Variants in HAUS6 observed in about 807,000 individuals in gnomAD.
HAUS6 encodes HAUS augmin like complex subunit 6.
In HAUS6, 80 loss-of-function variants were observed where a neutral mutation model predicts 106.8. The ratio of observed to expected loss-of-function variants is 0.75; its 90% CI spans 0.63 to 0.90. The LOEUF (loss-of-function observed/expected upper bound fraction) is 0.90, where lower values mean the gene tolerates loss of function less well. HAUS6 is among the 40% of genes least tolerant of loss of function. HAUS6 has a pLI of 0.00. For missense variants in HAUS6, 1,155 were observed against 1,118.1 expected, an observed-to-expected ratio of 1.03 and a Z score of -0.47; for synonymous variants, 356 against 379.1, an observed-to-expected ratio of 0.94 and a Z score of 0.71.
At chr9:19,074,646 C>A (rs939923028) in intron 11 of HAUS6, among the ~76,000 whole-genome samples, 1 of 152,010 alleles carries the variant, frequency 6.6e-6, no homozygotes, top group Admixed American at 6.6e-5. Flanking sequence ...ATAATCTTTC[C>A]CAACCAGTGT....
chr9:19,099,503 T>A (rs191399341), intron 1 of HAUS6, among the ~76,000 whole-genome samples: 99 of 151,180 alleles, frequency 6.5e-4, no homozygotes, highest in African/African-American at 2.3e-3. Context: ...TCACTCTTGT[T>A]ACCCAGGCTG....
intron 7 of HAUS6, among the ~76,000 whole-genome samples, chr9:19,083,877 G>C (rs1262376704): frequency 2.6e-5 from 4 of 151,480 alleles, no homozygotes; most frequent in Non-Finnish European, 4.4e-5. Context: ...GTTTGAGGAA[G>C]TTAAAGTGTA....
Position 19,093,276 on chromosome 9 carries a change from C to G in HAUS6, c.331G>C (p.Val111Leu). The G allele has an allele frequency of 6.2e-7, 1 of 1,608,230 alleles. No homozygotes were observed. The highest frequency in any genetic ancestry group is 2.2e-5 in the East Asian group (1 of 44,778). ...SGECGSSFPQ[V>L]VGSLFLSPGG... ...GGAGAAAGAAATAGTGAACCAACAA[C>G]TTGAGGAAAGCTACTTCCACATTCA... The change falls in exon 4 of 17, where the codon GTT becomes CTT. Residue 111 changes from valine to leucine, a missense_variant. Physicochemically the swap from Val to Leu is conservative, Grantham distance 32. Around this residue, in one of 3 missense-constraint regions of HAUS6, gnomAD observed 761 missense variants for 690.0 expected, o/e 1.10. Transcript: ENST00000380502.
intron 7 of HAUS6, among the ~76,000 whole-genome samples, chr9:19,083,932 A>C (rs976362610): frequency 6.6e-6 from 1 of 152,012 alleles, no homozygotes; most frequent in Non-Finnish European, 1.5e-5. Context: ...GGCATATACT[A>C]ATCTATATTC....
Position 19,089,951 on chromosome 9 carries a change from G to A in HAUS6, c.437-392C>T, listed in dbSNP as rs564802433. 2.6e-5 allele frequency among the ~76,000 whole-genome samples: 4 copies of A among 152,076 alleles called. No homozygotes were observed. The East Asian group carries it at 5.8e-4, about 22-fold the overall frequency. On this transcript the variant is annotated intron_variant, in intron 4 of 16. Coordinates refer to ENST00000380502, the MANE Select transcript of HAUS6 (RefSeq NM_017645.5). ...GGGTTCAAGCAATCCTCTCACCTCA[G>A]CCTCCAGAGTAGCTGAGACTACAAG...
intron 12 of HAUS6, among the ~76,000 whole-genome samples, chr9:19,069,182 C>T (rs1041717009): frequency 5.9e-5 from 9 of 152,122 alleles, no homozygotes; most frequent in South Asian, 2.1e-4. Flanking sequence ...AAGATGATCT[C>T]AAAGGCCCCC....
At position 19,080,527 on chromosome 9, in the gene HAUS6, T is replaced by C. The variant is rs1837117895; in HGVS notation, c.1016A>G (p.Lys339Arg). The change falls in exon 9 of 17, where the codon AAA becomes AGA. Residue 339 changes from lysine to arginine, a missense_variant. Coordinates refer to ENST00000380502, the MANE Select transcript of HAUS6 (RefSeq NM_017645.5). ...TCTTTCCTTCTGAAATTTGGTCTCT[T>C]TTTCAAGGTAGTGAAGGTCTACCGT... ...RLTVDLHYLE[K>R]ETKFQKERLS... is the part of the protein sequence containing the mutation. The C allele has an allele frequency of 1.2e-6, 2 of 1,609,762 alleles. No homozygotes were observed. The highest frequency in any genetic ancestry group is 1.7e-6 in the Non-Finnish European group (2 of 1,177,874).
intron 5 of HAUS6, 148 bp downstream of exon 5, chr9:19,089,264 A>T (rs1817694714): frequency 1.6e-6 from 1 of 609,632 alleles, no homozygotes; most frequent in Admixed American, 3.1e-5. Context: ...TAGGGAAAAA[A>T]AAAAAGAAGA....
chr9:19,097,946 C>T (rs1404337719), intron 1 of HAUS6, among the ~76,000 whole-genome samples: 1 of 152,144 alleles, frequency 6.6e-6, no homozygotes, highest in Non-Finnish European at 1.5e-5. Flanking sequence ...GTTCCTATGC[C>T]TATCCATTTG....
chr9:19,057,999 G>A lies in HAUS6; in HGVS notation c.2768C>T (p.Thr923Ile). Residue 923 changes from threonine to isoleucine, a missense_variant, in exon 16 of 17, where the codon ACA (threonine) becomes ATA (isoleucine). Physicochemically the swap from Thr to Ile is moderately conservative, Grantham distance 89. Transcript: ENST00000380502. ...FSPVEQRLRTTIACSLGELPN... is the reference protein window; with the variant it reads ...FSPVEQRLRTIIACSLGELPN... ...TAGTTCTCCAAGACTACATGCTATT[G>A]TGGTTCTCAATCTTTGTTCCACTGG... 6.2e-7 allele frequency: 1 copy of A among 1,610,706 alleles called. No homozygotes were observed. The highest frequency in any genetic ancestry group is 8.5e-7 in the Non-Finnish European group (1 of 1,177,022).
At chr9:19,081,300 A>G (rs1837143843) in intron 8 of HAUS6, among the ~76,000 whole-genome samples, 1 of 152,190 alleles carries the variant, frequency 6.6e-6, no homozygotes, top group Non-Finnish European at 1.5e-5. Flanking sequence ...GGTTTAGTGA[A>G]AAGACCATAA....
rs111974981 is a variant in HAUS6 at position 19,080,752 on chromosome 9, T to A, written c.871-80A>T. On this transcript the variant is annotated intron_variant, in intron 8 of 16. Coordinates refer to ENST00000380502, the MANE Select transcript of HAUS6 (RefSeq NM_017645.5). ...TATTACATAAAAATATTTATGTTTT[T>A]TACTATTAAAGTTTACCTTAAAGAA... 8.6e-4 allele frequency: 693 copies of A among 801,850 alleles called. 4 individuals carry two copies. In the African/African-American group the frequency reaches 0.011, roughly 13 times the overall value. The allele number at this position is 801,850 out of a possible 1,614,324, so 49.7% of individuals were successfully genotyped here.
At chr9:19,065,935 A>AT (rs562370544) in intron 12 of HAUS6, among the ~76,000 whole-genome samples, 2,036 of 139,986 alleles carry the variant, frequency 0.015, 32 homozygotes, top group African/African-American at 0.042. Context: ...ACAGCCAAAA[A>AT]TTTTTTTTTT....
Position 19,089,560 on chromosome 9 carries a change from C to CTACA in HAUS6, c.437-5_437-2dup. ...GTCTCTACAAAATGATGAGAAGAAT[C>CTACA]TACACAGAACACAAATAAGATTATA... On this transcript the variant is annotated splice_acceptor_variant, in intron 4 of 16. Transcript: ENST00000380502. LOFTEE classifies it high-confidence loss of function. 1 of 1,605,460 alleles carries CTACA rather than the reference C, an allele frequency of 6.2e-7. No individual in the cohort carries two copies. The highest frequency in any genetic ancestry group is 1.7e-5 in the Admixed American group (1 of 59,344).
At chr9:19,080,734 T>A (rs1000501251) in intron 8 of HAUS6, 62 bp from the exon 9 acceptor site, 6 of 886,574 alleles carry the variant, frequency 6.8e-6, no homozygotes, top group African/African-American at 5.1e-5. Context: ...AACTATTACA[T>A]AAAAATATTT....
At chr9:19,096,193 G>C (rs1817857739) in intron 2 of HAUS6, among the ~76,000 whole-genome samples, 1 of 152,110 alleles carries the variant, frequency 6.6e-6, no homozygotes, top group Admixed American at 6.6e-5. Flanking sequence ...GATTTATAAA[G>C]ATTAAGTATT....
chr9:19,088,637 G>C (rs192833916), intron 5 of HAUS6, among the ~76,000 whole-genome samples: 1 of 150,520 alleles, frequency 6.6e-6, no homozygotes, highest in African/African-American at 2.4e-5. Flanking sequence ...GGAGGCCAAG[G>C]CAGGCGGATC....
intron 4 of HAUS6, among the ~76,000 whole-genome samples, chr9:19,092,176 G>A (rs189615078): frequency 4.6e-4 from 70 of 152,060 alleles, no homozygotes; most frequent in Admixed American, 2.3e-3. Context: ...ATCAGTTGTC[G>A]CCGGGCACGG....
At chr9:19,082,735 G>C in intron 8 of HAUS6, 138 bp downstream of exon 8, 1 of 513,132 alleles carries the variant, frequency 1.9e-6, no homozygotes, top group Non-Finnish European at 3.3e-6. Context: ...TGGGCAATAA[G>C]AGCAAAATTC....
Sources: gnomAD v4.1 joint callset for allele counts (sites outside exome capture counted in the v4.1 genomes callset) on GRCh38, gnomAD v4.1.1 for gene constraint, gnomAD v4.1.1 regional missense constraint, MANE v1.5 for transcripts, NCBI Gene and HGNC (gene_info 2026-07-23, HGNC 2026-07-21) for gene names.